RALGPS1: variants seen among roughly 807,000 people sequenced by gnomAD.
RALGPS1 encodes Ral GEF with PH domain and SH3 binding motif 1.
In RALGPS1, 19 loss-of-function variants were observed where a neutral mutation model predicts 78.8. The observed-to-expected ratio is 0.24, with a 90% confidence interval of 0.17 to 0.35. The LOEUF (loss-of-function observed/expected upper bound fraction) is 0.35, where lower values mean the gene tolerates loss of function less well. Ranked by LOEUF, RALGPS1 falls within the 10% of genes least tolerant of loss-of-function variation. RALGPS1 has a pLI of 1.00. For missense variants in RALGPS1, 454 were observed against 688.3 expected, an observed-to-expected ratio of 0.66 and a Z score of 3.81; for synonymous variants, 228 against 256.3, an observed-to-expected ratio of 0.89 and a Z score of 1.06.
chr9:126,998,512 A>C (rs2042984018), intron 4 of RALGPS1, among the ~76,000 whole-genome samples: 1 of 152,126 alleles, frequency 6.6e-6, no homozygotes, highest in Admixed American at 6.5e-5. Context: ...AAAAGTCAGG[A>C]AACAACAGGT....
At chr9:126,987,821 A>G (rs1313516652) in intron 4 of RALGPS1, among the ~76,000 whole-genome samples, 1 of 152,190 alleles carries the variant, frequency 6.6e-6, no homozygotes, top group Non-Finnish European at 1.5e-5. Context: ...ACCTCGGCAC[A>G]ATTCAACCTG....
intron 4 of RALGPS1, among the ~76,000 whole-genome samples, chr9:126,996,721 C>T (rs1236398590): frequency 6.6e-6 from 1 of 152,162 alleles, no homozygotes; most frequent in Non-Finnish European, 1.5e-5. Flanking sequence ...CGGGCAGAGA[C>T]ACAACCAAAA....
intron 8 of RALGPS1, among the ~76,000 whole-genome samples, chr9:127,095,194 C>T (rs898438528): frequency 2.6e-5 from 4 of 152,172 alleles, no homozygotes; most frequent in East Asian, 1.9e-4. Context: ...GTCAGGAGAT[C>T]GAGACCATCC....
chr9:127,135,060 A>G (rs1183107959), intron 8 of RALGPS1, among the ~76,000 whole-genome samples: 1 of 152,198 alleles, frequency 6.6e-6, no homozygotes, highest in African/African-American at 2.4e-5. Context: ...TGCCTGGGAC[A>G]CTTGAATGTG....
intron 3 of RALGPS1, among the ~76,000 whole-genome samples, chr9:126,968,672 G>C (rs998599692): frequency 6.6e-6 from 1 of 152,210 alleles, no homozygotes; most frequent in African/African-American, 2.4e-5. Flanking sequence ...GCACAGCTGG[G>C]ATTTAAAACC....
At chr9:126,950,277 G>T (rs577291788) in intron 1 of RALGPS1, among the ~76,000 whole-genome samples, 49 of 152,304 alleles carry the variant, frequency 3.2e-4, no homozygotes, top group African/African-American at 1.2e-3. Context: ...TTTTGGCTTA[G>T]GATTCACTTG....
At position 126,954,314 on chromosome 9, in the gene RALGPS1, A is replaced by G. The variant is rs148722991; in HGVS notation, c.-65-7911A>G. On this transcript the variant is annotated intron_variant, in intron 1 of 18. Transcript: ENST00000259351. ...TGCAGTCCATCAGTAAGTCTTGTCT[A>G]TGCAACCTCCAGAACATCTCCTGGA... 3.5e-4 allele frequency among the ~76,000 whole-genome samples: 53 copies of G among 152,256 alleles called. 1 individual carries two copies. Among genetic ancestry groups the G allele is most frequent in the Admixed American group, 2.6e-4 (4 of 15,292 alleles).
chr9:126,991,480 TG>T (rs2042279145), intron 4 of RALGPS1, among the ~76,000 whole-genome samples: 2 of 152,250 alleles, frequency 1.3e-5, no homozygotes, highest in African/African-American at 4.8e-5. Flanking sequence ...ACAGAGCCTT[TG>T]GTGAACAGCT....
intron 7 of RALGPS1, among the ~76,000 whole-genome samples, chr9:127,065,510 A>G (rs7031192): frequency 0.084 from 12,807 of 152,240 alleles, 1,779 homozygotes; most frequent in African/African-American, 0.29. Flanking sequence ...GTAAGCTACC[A>G]TGCCCTACCT....
At chr9:127,151,930 G>A (rs1162980392) in intron 8 of RALGPS1, among the ~76,000 whole-genome samples, 1 of 152,028 alleles carries the variant, frequency 6.6e-6, no homozygotes, top group East Asian at 1.9e-4. Flanking sequence ...TCTTTTCATT[G>A]GCACTGAGGG....
chr9:127,090,685 C>T (rs1240649877), intron 8 of RALGPS1, among the ~76,000 whole-genome samples: 3 of 152,208 alleles, frequency 2.0e-5, no homozygotes, highest in African/African-American at 7.2e-5. Flanking sequence ...GAGTAGCCTT[C>T]TGACCAAGAC....
intron 7 of RALGPS1, among the ~76,000 whole-genome samples, chr9:127,067,114 A>G (rs1054099251): frequency 6.6e-6 from 1 of 152,108 alleles, no homozygotes; most frequent in Non-Finnish European, 1.5e-5. Flanking sequence ...TCCTTGCTCC[A>G]TTTTTACCAC....
Position 127,205,369 on chromosome 9 carries a change from A to G in RALGPS1, c.1247+6303A>G, listed in dbSNP as rs1479659464. Among the ~76,000 whole-genome samples the G allele has an allele frequency of 6.6e-6, 1 of 152,066 alleles. No homozygotes were observed. The highest frequency in any genetic ancestry group is 1.5e-5 in the Non-Finnish European group (1 of 68,008). ...GATTTGGGTTTCCCTCCGATATGTG[A>G]TCTCTTGCCTTACTCCCTTAGCTCC... On this transcript the variant is annotated intron_variant, in intron 14 of 18. Transcript: ENST00000259351. This position sits in a 1 kb window ranked among gnomAD's most constrained non-coding sequence, Gnocchi z 4.0.
At chr9:126,958,828 A>G (rs1252911754) in intron 1 of RALGPS1, among the ~76,000 whole-genome samples, 1 of 152,190 alleles carries the variant, frequency 6.6e-6, no homozygotes, top group Non-Finnish European at 1.5e-5. Context: ...TTAACTTTTT[A>G]AGAGAATACC....
intron 14 of RALGPS1, among the ~76,000 whole-genome samples, chr9:127,203,466 T>C (rs961415278): frequency 6.6e-6 from 1 of 152,186 alleles, no homozygotes; most frequent in Admixed American, 6.5e-5. Flanking sequence ...TGGAAGGGCC[T>C]TCTCGTGTGA....
At chr9:127,193,209 GT>G (rs1350780423) in intron 11 of RALGPS1, among the ~76,000 whole-genome samples, 3 of 152,200 alleles carry the variant, frequency 2.0e-5, no homozygotes, top group Non-Finnish European at 1.5e-5. Flanking sequence ...GAAGGCCAGT[GT>G]GAATGGAGGT....
At chr9:127,024,612 T>G (rs1022493562) in intron 4 of RALGPS1, among the ~76,000 whole-genome samples, 1 of 152,116 alleles carries the variant, frequency 6.6e-6, no homozygotes, top group African/African-American at 2.4e-5. Context: ...TCAAGCCAAG[T>G]ACTATGCCAG....
At chr9:127,186,307 G>A (rs1401543656) in intron 11 of RALGPS1, among the ~76,000 whole-genome samples, 3 of 152,226 alleles carry the variant, frequency 2.0e-5, no homozygotes, top group Admixed American at 6.5e-5. Flanking sequence ...GAAAAATGGA[G>A]CAATCCTCTG....
At chr9:127,133,684 C>T (rs1486417428) in intron 8 of RALGPS1, among the ~76,000 whole-genome samples, 1 of 152,170 alleles carries the variant, frequency 6.6e-6, no homozygotes, top group Non-Finnish European at 1.5e-5. Context: ...CAAAATCCAC[C>T]CTAGGGGGAC....
Sources: gnomAD v4.1 joint callset for allele counts (sites outside exome capture counted in the v4.1 genomes callset) on GRCh38, gnomAD v4.1.1 for gene constraint, Gnocchi (gnomAD v3.1) non-coding constraint, MANE v1.5 for transcripts, NCBI Gene and HGNC (gene_info 2026-07-23, HGNC 2026-07-21) for gene names.